SLC12A8: variants seen among roughly 807,000 people sequenced by gnomAD.
The protein encoded by SLC12A8 is solute carrier family 12 member 8.
A neutral mutation model predicts 75.6 loss-of-function variants in SLC12A8; 69 were observed. The ratio of observed to expected loss-of-function variants is 0.91; its 90% CI spans 0.75 to 1.11. The LOEUF (loss-of-function observed/expected upper bound fraction) is 1.11, where lower values mean the gene tolerates loss of function less well. SLC12A8 is among the 50% of genes most tolerant of loss of function. The pLI is 0.00. For synonymous variants in SLC12A8, 365 were observed against 372.8 expected (o/e 0.98, Z 0.24); for missense variants, 877 against 896.7 (o/e 0.98, Z 0.28).
At chr3:125,121,997 G>A (rs1453755369) in intron 6 of SLC12A8, among the ~76,000 whole-genome samples, 1 of 152,220 alleles carries the variant, frequency 6.6e-6, no homozygotes, top group Non-Finnish European at 1.5e-5. Flanking sequence ...GTTTAGAATA[G>A]TGGAAATTAG....
intron 10 of SLC12A8, among the ~76,000 whole-genome samples, chr3:125,095,500 T>G (rs1031314915): frequency 6.6e-6 from 1 of 152,228 alleles, no homozygotes; most frequent in Non-Finnish European, 1.5e-5. Context: ...AGCGGGCTCC[T>G]GTGGTACAGA....
At chr3:125,156,155 A>G (rs1046428702) in intron 5 of SLC12A8, among the ~76,000 whole-genome samples, 1 of 152,200 alleles carries the variant, frequency 6.6e-6, no homozygotes, top group Non-Finnish European at 1.5e-5. Flanking sequence ...GTGCCATCCA[A>G]TGGGAGAGGC....
At position 125,083,915 on chromosome 3, in the gene SLC12A8, C is replaced by G; in HGVS notation, c.2120G>C (p.Arg707Pro). The change falls in exon 14 of 14, where the codon CGG becomes CCG. Residue 707 changes from arginine to proline, a missense_variant. Arg to Pro is a moderately radical substitution (Grantham distance 103). Transcript: ENST00000469902. ...CTAGTAGTGAGGCATCAGCTGCTCC[C>G]GGTTCACGAGGGAGGAGTGGTGGTA... is the stretch of plus-strand genomic sequence containing the variant. ...DRYHHSSLVNREQLMPHY is the reference protein window; with the variant it reads ...DRYHHSSLVNPEQLMPHY The G allele has an allele frequency of 2.5e-6, 4 of 1,613,028 alleles. No individual in the cohort carries two copies. Among genetic ancestry groups the G allele is most frequent in the Admixed American group, 1.7e-5 (1 of 59,910 alleles).
intron 3 of SLC12A8, among the ~76,000 whole-genome samples, chr3:125,187,825 G>A (rs1471603579): frequency 6.8e-6 from 1 of 148,148 alleles, no homozygotes; most frequent in Non-Finnish European, 1.5e-5. Flanking sequence ...CCTTTGTCAG[G>A]TTAACTCCAG....
chr3:125,159,344 C>T (rs11924526), intron 5 of SLC12A8, among the ~76,000 whole-genome samples: 2 of 152,166 alleles, frequency 1.3e-5, no homozygotes, highest in East Asian at 1.9e-4. Context: ...AATCCTCCCC[C>T]CTTGGTCTCC....
At chr3:125,133,116 G>C (rs1188212809) in intron 6 of SLC12A8, among the ~76,000 whole-genome samples, 1 of 152,136 alleles carries the variant, frequency 6.6e-6, no homozygotes, top group Non-Finnish European at 1.5e-5. Context: ...AATGGACATG[G>C]GGAGCCATGT....
intron 5 of SLC12A8, among the ~76,000 whole-genome samples, chr3:125,156,061 C>T (rs1211266334): frequency 1.3e-5 from 2 of 152,266 alleles, no homozygotes; most frequent in East Asian, 1.9e-4. Flanking sequence ...ATCCAGGCCC[C>T]GGGCCAGGCA....
At chr3:125,209,658 T>C (rs1935297123) in intron 2 of SLC12A8, among the ~76,000 whole-genome samples, 1 of 152,162 alleles carries the variant, frequency 6.6e-6, no homozygotes, top group Admixed American at 6.5e-5. Context: ...AGTTCACAGC[T>C]TTAAGGGAGA....
At chr3:125,157,334 G>C (rs1284282066) in intron 5 of SLC12A8, among the ~76,000 whole-genome samples, 1 of 152,044 alleles carries the variant, frequency 6.6e-6, no homozygotes, top group Non-Finnish European at 1.5e-5. Context: ...CTTTCAGTGG[G>C]GCCATGTTCC....
At chr3:125,131,520 TG>T (rs72480434) in intron 6 of SLC12A8, among the ~76,000 whole-genome samples, 37,588 of 151,988 alleles carry the variant, frequency 0.25, 4,948 homozygotes, top group Non-Finnish European at 0.28. Context: ...CCTGAGTAGC[TG>T]GGATTACAGG....
intron 5 of SLC12A8, among the ~76,000 whole-genome samples, chr3:125,173,475 A>C (rs1345172171): frequency 1.4e-5 from 2 of 142,160 alleles, no homozygotes; most frequent in Non-Finnish European, 3.1e-5. Flanking sequence ...AAAAAAAAAA[A>C]CCAAAATAAC....
intron 10 of SLC12A8, among the ~76,000 whole-genome samples, chr3:125,104,005 A>T (rs1431268001): frequency 4.9e-5 from 2 of 41,142 alleles, no homozygotes; most frequent in African/African-American, 2.8e-4. Flanking sequence ...CCAAGATTTA[A>T]AAAAAAAAAA....
At chr3:125,176,516 C>A (rs1934531458) in intron 5 of SLC12A8, among the ~76,000 whole-genome samples, 1 of 152,152 alleles carries the variant, frequency 6.6e-6, no homozygotes, top group African/African-American at 2.4e-5. Context: ...GCAAAAGAAA[C>A]CACCATCAGA....
chr3:125,091,566 CAG>C lies in SLC12A8; in HGVS notation c.1804-12_1804-11del. 2.5e-6 allele frequency: 4 copies of C among 1,591,924 alleles called. No individual in the cohort carries two copies. Among genetic ancestry groups the C allele is most frequent in the Non-Finnish European group, 3.4e-6 (4 of 1,159,916 alleles). On this transcript the variant is annotated splice_polypyrimidine_tract_variant and intron_variant, in intron 11 of 13. Coordinates refer to ENST00000469902, the MANE Select transcript of SLC12A8 (RefSeq NM_024628.6). Reference sequence around the variant, plus strand: ...GAAGGGACCCAACAGCCTGTGAAAACAGAGTAGGAAGAGCAAATCACCTAATG... The same window carrying C: ...GAAGGGACCCAACAGCCTGTGAAAACAGTAGGAAGAGCAAATCACCTAATG...
At position 125,092,118 on chromosome 3, in the gene SLC12A8, AG is replaced by A; in HGVS notation, c.1785del (p.Trp596GlyfsTer16). 1.2e-6 allele frequency: 2 copies of A among 1,612,094 alleles called. No individual in the cohort carries two copies. Among genetic ancestry groups the A allele is most frequent in the South Asian group, 2.2e-5 (2 of 91,008 alleles). ...STSFYTHMCN[P>X]WVSLLGAVGS... is the part of the protein sequence containing the mutation. ...TTACTCACCCCCAACAGGGAGACCC[AG>A]GGGTTGCACATGTGGGTATAGAAAG... is the stretch of plus-strand genomic sequence containing the variant. On this transcript the variant is annotated frameshift_variant, in exon 11 of 14. Coordinates refer to ENST00000469902, the MANE Select transcript of SLC12A8 (RefSeq NM_024628.6). LOFTEE classifies it high-confidence loss of function.
intron 5 of SLC12A8, among the ~76,000 whole-genome samples, chr3:125,177,387 T>C (rs552929735): frequency 6.6e-6 from 1 of 151,722 alleles, no homozygotes; most frequent in Non-Finnish European, 1.5e-5. Flanking sequence ...GACGAGTTAA[T>C]GGGAGCAGCA....
intron 5 of SLC12A8, among the ~76,000 whole-genome samples, chr3:125,167,082 G>A (rs533238017): frequency 4.6e-5 from 7 of 152,196 alleles, no homozygotes; most frequent in African/African-American, 1.7e-4. Flanking sequence ...AAATTCGGGT[G>A]GTGGATAAAT....
intron 2 of SLC12A8, among the ~76,000 whole-genome samples, chr3:125,202,976 TACTTGGG>T (rs1347275735): frequency 6.7e-6 from 1 of 150,054 alleles, no homozygotes; most frequent in Non-Finnish European, 1.5e-5. Flanking sequence ...TAATCCCAGC[TACTTGGG>T]AGGCTGAGGC....
intron 10 of SLC12A8, among the ~76,000 whole-genome samples, chr3:125,096,597 T>G (rs1218230584): frequency 1.3e-5 from 2 of 152,218 alleles, no homozygotes; most frequent in Non-Finnish European, 1.5e-5. Context: ...CTTATCTTTT[T>G]TTACATCTGT....
Sources: gnomAD v4.1 joint callset for allele counts (sites outside exome capture counted in the v4.1 genomes callset) on GRCh38, gnomAD v4.1.1 for gene constraint, MANE v1.5 for transcripts, NCBI Gene and HGNC (gene_info 2026-07-23, HGNC 2026-07-21) for gene names.